MAST2: variants seen among roughly 807,000 people sequenced by gnomAD.
MAST2 encodes microtubule associated serine/threonine kinase 2.
MAST2 carries 70 observed loss-of-function variants against 147.4 expected under a neutral mutation model. The ratio of observed to expected loss-of-function variants is 0.47; its 90% CI spans 0.39 to 0.58. The LOEUF (loss-of-function observed/expected upper bound fraction) is 0.58, where lower values mean the gene tolerates loss of function less well. MAST2 is among the 20% of genes least tolerant of loss of function. The probability of loss-of-function intolerance (pLI) is 0.00; values close to 1 mark genes in which losing one functional copy is unlikely to be tolerated. For synonymous variants in MAST2, 869 were observed against 896.8 expected, an observed-to-expected ratio of 0.97 and a Z score of 0.55; for missense variants, 2,080 against 2,302.3, an observed-to-expected ratio of 0.90 and a Z score of 1.98.
intron 5 of MAST2, among the ~76,000 whole-genome samples, chr1:45,993,683 C>CA (rs985091343): frequency 4.0e-5 from 6 of 151,524 alleles, no homozygotes; most frequent in African/African-American, 1.2e-4. Flanking sequence ...GACTCCATCT[C>CA]AAAAAAAAAT....
At chr1:45,808,087 G>A (rs147390212) in intron 1 of MAST2, among the ~76,000 whole-genome samples, 1 of 152,006 alleles carries the variant, frequency 6.6e-6, no homozygotes, top group Non-Finnish European at 1.5e-5. Flanking sequence ...TTAAGAATAC[G>A]TTCTAATCAG....
Position 45,919,441 on chromosome 1 carries a change from T to C in MAST2, c.500+37046T>C, listed in dbSNP as rs756518021. Among the ~76,000 whole-genome samples the C allele has an allele frequency of 5.3e-5, 8 of 152,226 alleles. No homozygotes were observed. The South Asian group carries it at 6.2e-4, about 12-fold the overall frequency. On this transcript the variant is annotated intron_variant, in intron 4 of 28. Transcript: ENST00000361297. Reference sequence around the variant, plus strand: ...GCGTGATTGATCAGTAGGTATTTGTTAAGCTTTTTGTTAGAGAATAGTAAC... The same window carrying C: ...GCGTGATTGATCAGTAGGTATTTGTCAAGCTTTTTGTTAGAGAATAGTAAC...
intron 10 of MAST2, among the ~76,000 whole-genome samples, chr1:46,018,287 C>T (rs571023564): frequency 3.1e-4 from 47 of 152,270 alleles, no homozygotes; most frequent in African/African-American, 1.0e-3. Context: ...GTCATCTCTA[C>T]GCTGAGGACT....
chr1:45,939,672 TGGG>T (rs1656877218), intron 4 of MAST2, among the ~76,000 whole-genome samples: 1 of 151,866 alleles, frequency 6.6e-6, no homozygotes, highest in African/African-American at 2.4e-5. Context: ...TCCCAAGCAG[TGGG>T]ACTACAGGCA....
At chr1:45,845,619 A>C (rs1645406476) in intron 3 of MAST2, among the ~76,000 whole-genome samples, 1 of 152,216 alleles carries the variant, frequency 6.6e-6, no homozygotes, top group Admixed American at 6.5e-5. Context: ...AATTTAATTT[A>C]TCTCTTAGAA....
intron 5 of MAST2, among the ~76,000 whole-genome samples, chr1:45,977,577 A>G (rs1437805972): frequency 6.6e-6 from 1 of 152,038 alleles, no homozygotes; most frequent in African/African-American, 2.4e-5. Flanking sequence ...AGGCGGGCGG[A>G]TCACAAGGTC....
Position 46,023,712 on chromosome 1 carries a change from CAGAG to C in MAST2, c.1572-57_1572-54del, listed in dbSNP as rs1391424721. On this transcript the variant is annotated intron_variant, in intron 14 of 28. Transcript: ENST00000361297. This position sits in a 1 kb window ranked among gnomAD's most constrained non-coding sequence, Gnocchi z 4.9. The stretch of plus-strand genomic sequence containing the variant: ...GTGTGAGAGAAGGCAGTTTGGGTGG[CAGAG>C]AGCACAGCTCAGGTGCTGAGGGTCC... 13 of 1,509,378 alleles carry C rather than the reference CAGAG, an allele frequency of 8.6e-6. No individual in the cohort carries two copies. The highest frequency in any genetic ancestry group is 5.5e-5 in the African/African-American group (4 of 72,802). 93.5% of individuals were successfully genotyped at this position (1,509,378 alleles called of 1,614,324 possible).
At chr1:45,983,680 A>T (rs1181909002) in intron 5 of MAST2, among the ~76,000 whole-genome samples, 2 of 151,962 alleles carry the variant, frequency 1.3e-5, no homozygotes, top group East Asian at 1.9e-4. Context: ...TTTTGTAGAG[A>T]TGGAGTCTCA....
chr1:46,001,295 T>G (rs1645264244), intron 6 of MAST2, among the ~76,000 whole-genome samples: 1 of 152,208 alleles, frequency 6.6e-6, no homozygotes, highest in Non-Finnish European at 1.5e-5. Context: ...ATAGAGGAAA[T>G]AGAGGCATCA....
intron 3 of MAST2, among the ~76,000 whole-genome samples, chr1:45,855,919 G>T (rs1420453368): frequency 6.6e-6 from 1 of 152,072 alleles, no homozygotes; most frequent in Non-Finnish European, 1.5e-5. Flanking sequence ...CCTAATTTGG[G>T]ACTAGCAAAT....
At chr1:46,001,589 C>T (rs1173520318) in intron 6 of MAST2, among the ~76,000 whole-genome samples, 1 of 152,168 alleles carries the variant, frequency 6.6e-6, no homozygotes, top group Admixed American at 6.5e-5. Flanking sequence ...ATGTCTGAAC[C>T]TCAGAGACTA....
intron 8 of MAST2, among the ~76,000 whole-genome samples, chr1:46,007,145 AT>A (rs1309796072): frequency 6.6e-6 from 1 of 152,224 alleles, no homozygotes; most frequent in Non-Finnish European, 1.5e-5. Flanking sequence ...GGAGATTAAA[AT>A]GAACATGACT....
chr1:45,935,609 C>T (rs148655995), intron 4 of MAST2, among the ~76,000 whole-genome samples: 199 of 152,226 alleles, frequency 1.3e-3, no homozygotes, highest in East Asian at 5.2e-3. Flanking sequence ...ATTCTGCATA[C>T]GGCTAGCCAG....
chr1:45,984,052 AT>A (rs1644517302), intron 5 of MAST2, among the ~76,000 whole-genome samples: 1 of 152,232 alleles, frequency 6.6e-6, no homozygotes, highest in East Asian at 1.9e-4. Flanking sequence ...ATTTGAAAAC[AT>A]TGGAAATAGA....
chr1:46,006,424 G>A (rs1265770873), intron 8 of MAST2, 29 bp downstream of exon 8: 1 of 1,595,620 alleles, frequency 6.3e-7, no homozygotes, highest in Non-Finnish European at 8.6e-7. Context: ...CACTGTTCCA[G>A]TGCATGTGGA....
At chr1:45,963,252 T>G (rs1385281354) in intron 5 of MAST2, among the ~76,000 whole-genome samples, 1 of 152,238 alleles carries the variant, frequency 6.6e-6, no homozygotes, top group Non-Finnish European at 1.5e-5. Context: ...TGCGGGCTCT[T>G]TTTTGGTTCC....
intron 3 of MAST2, among the ~76,000 whole-genome samples, chr1:45,849,580 G>A (rs555386214): frequency 3.3e-5 from 5 of 150,794 alleles, no homozygotes; most frequent in Admixed American, 6.6e-5. Flanking sequence ...AGGCTGGAGT[G>A]CAGTGGCGCG....
chr1:45,962,637 ATTTG>A (rs1374838277), intron 5 of MAST2, among the ~76,000 whole-genome samples: 5 of 151,984 alleles, frequency 3.3e-5, no homozygotes, highest in Non-Finnish European at 7.4e-5. Context: ...TTTCTTGTAA[ATTTG>A]TTTGAGTTCT....
chr1:45,865,524 T>C (rs1646117392), intron 3 of MAST2, among the ~76,000 whole-genome samples: 1 of 152,154 alleles, frequency 6.6e-6, no homozygotes, highest in Non-Finnish European at 1.5e-5. Context: ...AGTATATGCT[T>C]GATTCTATGC....
Sources: allele counts gnomAD v4.1 joint callset (sites outside exome capture counted in the v4.1 genomes callset), GRCh38; gene constraint gnomAD v4.1.1; non-coding constraint Gnocchi (gnomAD v3.1); transcripts MANE v1.5; gene names NCBI Gene and HGNC (gene_info 2026-07-23, HGNC 2026-07-21).